Variants in PTTG1IP2 observed in about 807,000 individuals in gnomAD.
The protein encoded by PTTG1IP2 is PTTG1IP family member 2.
chr7:90,510,527 A>G (rs139359007), intron 6 of PTTG1IP2, among the ~76,000 whole-genome samples: 7 of 152,304 alleles, frequency 4.6e-5, no homozygotes, highest in African/African-American at 1.4e-4. Flanking sequence ...ACGCACATGC[A>G]TGCATGTATG....
chr7:90,476,497 A>C (rs1482958060), intron 1 of PTTG1IP2, among the ~76,000 whole-genome samples: 3 of 152,164 alleles, frequency 2.0e-5, no homozygotes, highest in Non-Finnish European at 1.5e-5. Flanking sequence ...ATATCTCCCC[A>C]AATTTTTAAA....
At chr7:90,498,885 T>C (rs1330871044) in intron 6 of PTTG1IP2, among the ~76,000 whole-genome samples, 1 of 152,222 alleles carries the variant, frequency 6.6e-6, no homozygotes, top group Non-Finnish European at 1.5e-5. Context: ...AGGGTCTCGC[T>C]CTGTCAGCCA....
chr7:90,485,671 G>GC, intron 2 of PTTG1IP2, among the ~76,000 whole-genome samples: 1 of 152,230 alleles, frequency 6.6e-6, no homozygotes, highest in Middle Eastern at 3.4e-3. Context: ...TATTCTCTGA[G>GC]CCCCAACCAG....
At chr7:90,473,375 C>T (rs1797712221) in intron 1 of PTTG1IP2, among the ~76,000 whole-genome samples, 1 of 152,130 alleles carries the variant, frequency 6.6e-6, no homozygotes, top group Admixed American at 6.5e-5. Flanking sequence ...GTGAGATTCA[C>T]ACAGTGAGGC....
At chr7:90,505,444 C>G (rs563792468) in intron 6 of PTTG1IP2, among the ~76,000 whole-genome samples, 2 of 152,260 alleles carry the variant, frequency 1.3e-5, no homozygotes, top group East Asian at 3.9e-4. Flanking sequence ...TAAAGAGAAG[C>G]CTTTATGTGT....
intron 1 of PTTG1IP2, among the ~76,000 whole-genome samples, chr7:90,477,006 T>A (rs1797755842): frequency 6.6e-6 from 1 of 152,172 alleles, no homozygotes; most frequent in South Asian, 2.1e-4. Context: ...ATTGTGATTC[T>A]TCATGGGAGA....
chr7:90,510,627 T>G (rs1004559498), intron 6 of PTTG1IP2, among the ~76,000 whole-genome samples: 3 of 152,198 alleles, frequency 2.0e-5, no homozygotes, highest in African/African-American at 7.2e-5. Flanking sequence ...TGAAGAAAAT[T>G]GAAGGTAATT....
rs187000035 is a variant in PTTG1IP2 at position 90,511,713 on chromosome 7, T to G, written c.*51-1565T>G. On this transcript the variant is annotated intron_variant, in intron 6 of 6. Transcript: ENST00000509356. ...ACTTTTCCCTCTCTCCTCATACTCATCTTAAGAGGGAAATTGTGTTTTACT... is the reference window on the plus strand; with the variant it reads ...ACTTTTCCCTCTCTCCTCATACTCAGCTTAAGAGGGAAATTGTGTTTTACT... Among the ~76,000 whole-genome samples, 15 of 152,302 alleles carry G rather than the reference T, an allele frequency of 9.8e-5. 1 individual carries two copies. Among genetic ancestry groups the G allele is most frequent in the Admixed American group, 1.3e-4 (2 of 15,290 alleles).
chr7:90,473,881 A>C (rs1321835076), intron 1 of PTTG1IP2, among the ~76,000 whole-genome samples: 1 of 152,242 alleles, frequency 6.6e-6, no homozygotes, highest in Admixed American at 6.5e-5. Flanking sequence ...TAAAATAAGA[A>C]TAAAATAGTA....
intron 6 of PTTG1IP2, among the ~76,000 whole-genome samples, chr7:90,504,991 A>G (rs547012375): frequency 2.6e-5 from 4 of 152,362 alleles, no homozygotes; most frequent in South Asian, 4.1e-4. Flanking sequence ...TGCCAAACAT[A>G]TCATAAGACT....
At chr7:90,508,153 G>T (rs1798145082) in intron 6 of PTTG1IP2, among the ~76,000 whole-genome samples, 1 of 151,590 alleles carries the variant, frequency 6.6e-6, no homozygotes, top group Non-Finnish European at 1.5e-5. Context: ...TATAGTCCCA[G>T]TGACTTGGGG....
intron 1 of PTTG1IP2, among the ~76,000 whole-genome samples, chr7:90,472,876 G>A (rs1461791762): frequency 6.6e-6 from 1 of 152,192 alleles, no homozygotes; most frequent in Non-Finnish European, 1.5e-5. Flanking sequence ...GGTATTAGGA[G>A]GATTACAGCA....
intron 6 of PTTG1IP2, among the ~76,000 whole-genome samples, chr7:90,509,952 T>C (rs921791122): frequency 6.6e-6 from 1 of 152,234 alleles, no homozygotes; most frequent in Non-Finnish European, 1.5e-5. Flanking sequence ...ATAGGTCCTA[T>C]AGTAGCTGAA....
chr7:90,473,367 G>T (rs751584240), intron 1 of PTTG1IP2, among the ~76,000 whole-genome samples: 3 of 152,138 alleles, frequency 2.0e-5, no homozygotes, highest in Non-Finnish European at 2.9e-5. Flanking sequence ...GGGGACAGGT[G>T]AGATTCACAC....
intron 2 of PTTG1IP2, among the ~76,000 whole-genome samples, chr7:90,479,973 G>A (rs1485654131): frequency 2.0e-5 from 3 of 152,140 alleles, no homozygotes; most frequent in Non-Finnish European, 4.4e-5. Context: ...AAAGACAAAT[G>A]TCTATCACTC....
intron 2 of PTTG1IP2, 35 bp downstream of exon 2, chr7:90,479,309 G>T (rs1797789989): frequency 6.6e-6 from 1 of 152,472 alleles, no homozygotes; most frequent in Non-Finnish European, 1.5e-5. Flanking sequence ...GTTGTTCTGG[G>T]AATGTTATAA....
intron 2 of PTTG1IP2, among the ~76,000 whole-genome samples, chr7:90,486,587 C>G (rs920070361): frequency 6.8e-6 from 1 of 147,370 alleles, no homozygotes; most frequent in Non-Finnish European, 1.5e-5. Context: ...GCATGATTAT[C>G]TGAGCACCAG....
At chr7:90,508,563 A>G (rs545800651) in intron 6 of PTTG1IP2, among the ~76,000 whole-genome samples, 3 of 152,294 alleles carry the variant, frequency 2.0e-5, no homozygotes, top group Non-Finnish European at 2.9e-5. Flanking sequence ...ATAGTAAATA[A>G]ATTCTGCTAT....
chr7:90,507,109 G>T (rs895686789), intron 6 of PTTG1IP2, among the ~76,000 whole-genome samples: 1 of 152,158 alleles, frequency 6.6e-6, no homozygotes. Flanking sequence ...ACCAGCACTT[G>T]TTTTTTGCGA....
Sources: gnomAD v4.1 joint callset for allele counts (sites outside exome capture counted in the v4.1 genomes callset) on GRCh38, gnomAD v4.1.1 for gene constraint, MANE v1.5 for transcripts, NCBI Gene and HGNC (gene_info 2026-07-23, HGNC 2026-07-21) for gene names.